The following PCDH11X variants were observed in gnomAD, a reference collection of about 807,000 sequenced individuals.
PCDH11X encodes protocadherin 11 X-linked.
In PCDH11X, 18 loss-of-function variants were observed where a neutral mutation model predicts 53.3. That is an observed-to-expected ratio of 0.34 (90% confidence interval 0.23 to 0.50). The LOEUF (loss-of-function observed/expected upper bound fraction) is 0.50. PCDH11X is among the 20% of genes least tolerant of loss of function. The pLI, the probability that PCDH11X is intolerant of heterozygous loss-of-function variation, is 0.98. For synonymous variants in PCDH11X, 279 were observed against 393.3 expected (o/e 0.71, Z 3.44); for missense variants, 570 against 1,032.4 (o/e 0.55, Z 6.14).
In PCDH11X at chrX:91,785,900, T is replaced by C. The variant is rs1420151601; in HGVS notation, c.-379+6216T>C. Among the ~76,000 whole-genome samples the C allele has an allele frequency of 3.6e-5, 4 of 111,667 alleles. No individual in the cohort carries two copies. In the Admixed American group the frequency reaches 3.8e-4, roughly 11 times the overall value. On this transcript the variant is annotated intron_variant, in intron 1 of 10. Coordinates refer to ENST00000682573, the MANE Select transcript of PCDH11X (RefSeq NM_032968.5). Reference sequence around the variant, plus strand: ...TCATGGTCCCTTAAGATTTATTCTCTATGCAAGGTTAATTGTAAAATAAAA... The same window carrying C: ...TCATGGTCCCTTAAGATTTATTCTCCATGCAAGGTTAATTGTAAAATAAAA...
chrX:91,821,438 G>C (rs1282916450), intron 4 of PCDH11X, among the ~76,000 whole-genome samples: 2 of 110,914 alleles, frequency 1.8e-5, no homozygotes, highest in East Asian at 2.8e-4. Flanking sequence ...TGAAGCAATT[G>C]TGAATGGGAG....
At chrX:92,612,092 A>G (rs1471259726) in intron 10 of PCDH11X, among the ~76,000 whole-genome samples, 4 of 110,737 alleles carry the variant, frequency 3.6e-5, no homozygotes, top group East Asian at 2.8e-4. Flanking sequence ...TATCAGGATG[A>G]TGCTGGCCTC....
In PCDH11X at chrX:92,288,017, G is replaced by A. The variant is rs963539715; in HGVS notation, c.3144+24874G>A. The A allele has an allele frequency of 7.8e-6, 4 of 512,834 alleles. No individual in the cohort carries two copies. In the African/African-American group the frequency reaches 9.3e-5, roughly 12 times the overall value. 42.3% of individuals were successfully genotyped at this position (512,834 alleles called of 1,213,427 possible). A position where few individuals can be genotyped will look rare whatever the true frequency, so the allele number is the denominator to read the frequency against. On this transcript the variant is annotated intron_variant, in intron 8 of 10. Coordinates refer to ENST00000682573, the MANE Select transcript of PCDH11X (RefSeq NM_032968.5). ...CTGCCATGACCGTAAGTTTCCTGAG[G>A]CTTCCCTAGAAGCATAAACCTGTAT...
At chrX:92,064,487 AAAATAAATAAATAAAT>A (rs3084448) in intron 6 of PCDH11X, among the ~76,000 whole-genome samples, 1 of 89,895 alleles carries the variant, frequency 1.1e-5, no homozygotes, top group African/African-American at 4.1e-5. Flanking sequence ...ACACAAATTA[AAAATAAATAAATAAAT>A]AAATAAATAA....
At chrX:92,185,910 G>A (rs1451513824) in intron 6 of PCDH11X, among the ~76,000 whole-genome samples, 1 of 111,252 alleles carries the variant, frequency 9.0e-6, no homozygotes, top group Non-Finnish European at 1.9e-5. Flanking sequence ...GCTTTTGGTA[G>A]AAATGTAAAT....
intron 6 of PCDH11X, among the ~76,000 whole-genome samples, chrX:92,096,676 G>T (rs765129179): frequency 1.7e-3 from 188 of 110,685 alleles, no homozygotes; most frequent in African/African-American, 6.0e-3. Flanking sequence ...AGGCAAGAGA[G>T]AATGAGAGCT....
intron 8 of PCDH11X, among the ~76,000 whole-genome samples, chrX:92,314,409 C>T (rs1438470523): frequency 9.0e-6 from 1 of 111,420 alleles, no homozygotes; most frequent in Non-Finnish European, 1.9e-5. Context: ...TCCTGAAGGA[C>T]ATGCCTGAGA....
At chrX:91,779,896 T>C (rs1935068568) in intron 1 of PCDH11X, among the ~76,000 whole-genome samples, 1 of 110,974 alleles carries the variant, frequency 9.0e-6, no homozygotes, top group South Asian at 3.9e-4. Context: ...AGGGAGAATA[T>C]CTTTTTGCAC....
chrX:92,340,295 C>G (rs5984929), intron 8 of PCDH11X, among the ~76,000 whole-genome samples: 2,522 of 110,848 alleles, frequency 0.023, 67 homozygotes, highest in African/African-American at 0.077. Context: ...ACAGTATGAG[C>G]TCTCAGTGGG....
chrX:92,327,364 C>A (rs2069362759), intron 8 of PCDH11X, among the ~76,000 whole-genome samples: 1 of 93,152 alleles, frequency 1.1e-5, no homozygotes, highest in South Asian at 5.5e-4. Flanking sequence ...TGATTACTGC[C>A]AAAATCTCTT....
intron 8 of PCDH11X, among the ~76,000 whole-genome samples, chrX:92,346,567 C>T (rs966252344): frequency 2.5e-4 from 28 of 111,472 alleles, no homozygotes; most frequent in South Asian, 7.4e-4. Flanking sequence ...ATTTTACAAG[C>T]GACACGTGGA....
chrX:92,346,550 T>C (rs1188537281), intron 8 of PCDH11X, among the ~76,000 whole-genome samples: 1 of 111,858 alleles, frequency 8.9e-6, no homozygotes, highest in Non-Finnish European at 1.9e-5. Flanking sequence ...TAACACTTTG[T>C]ATTAAAATTT....
intron 6 of PCDH11X, among the ~76,000 whole-genome samples, chrX:91,920,588 C>T (rs1481147822): frequency 9.0e-6 from 1 of 111,154 alleles, no homozygotes; most frequent in Non-Finnish European, 1.9e-5. Context: ...CTCCACCTAT[C>T]CCCCGCTCAC....
intron 8 of PCDH11X, among the ~76,000 whole-genome samples, chrX:92,289,347 G>A (rs1249947372): frequency 1.8e-5 from 2 of 111,261 alleles, no homozygotes; most frequent in African/African-American, 6.5e-5. Flanking sequence ...TATTCAAGTT[G>A]TTTTTTCTAT....
At chrX:92,297,264 G>A (rs1370401603) in intron 8 of PCDH11X, among the ~76,000 whole-genome samples, 1 of 107,060 alleles carries the variant, frequency 9.3e-6, no homozygotes, top group Admixed American at 1.0e-4. Context: ...ATCTTCCAGT[G>A]TTTTTGTACT....
At chrX:92,292,709 C>T (rs1036806381) in intron 8 of PCDH11X, among the ~76,000 whole-genome samples, 5 of 111,857 alleles carry the variant, frequency 4.5e-5, no homozygotes, top group East Asian at 2.8e-4. Context: ...TACACAGAAT[C>T]GCACACAGTT....
At chrX:92,185,892 T>C (rs906510281) in intron 6 of PCDH11X, among the ~76,000 whole-genome samples, 1 of 111,086 alleles carries the variant, frequency 9.0e-6, no homozygotes, top group Non-Finnish European at 1.9e-5. Context: ...GAATGGGAAC[T>C]TTTATAGGCT....
intron 6 of PCDH11X, among the ~76,000 whole-genome samples, chrX:91,893,755 A>G (rs1374730153): frequency 1.8e-5 from 2 of 111,133 alleles, no homozygotes; most frequent in Admixed American, 1.9e-4. Flanking sequence ...TCAAATGTAC[A>G]TATATGTATG....
chrX:91,919,854 T>A (rs1430760085), intron 6 of PCDH11X, among the ~76,000 whole-genome samples: 2 of 111,762 alleles, frequency 1.8e-5, no homozygotes, highest in African/African-American at 6.5e-5. Context: ...GTATATTTCC[T>A]CTAAAAGAAG....
Sources: gnomAD v4.1 joint callset for allele counts (sites outside exome capture counted in the v4.1 genomes callset) on GRCh38, gnomAD v4.1.1 for gene constraint, MANE v1.5 for transcripts, NCBI Gene and HGNC (gene_info 2026-07-23, HGNC 2026-07-21) for gene names.